The following CNTNAP5 variants were observed in gnomAD, a reference collection of about 807,000 sequenced individuals.
CNTNAP5 encodes the protein contactin associated protein family member 5, also known as contactin-associated protein-like 5.
Under a neutral mutation model 150.2 loss-of-function variants are expected in CNTNAP5, and 72 were observed. The ratio of observed to expected loss-of-function variants is 0.48; its 90% CI spans 0.40 to 0.58. The LOEUF (loss-of-function observed/expected upper bound fraction) is 0.58. Among genes scored for constraint, CNTNAP5 ranks in the 20% least tolerant of loss-of-function variants. The pLI is 0.00. For synonymous variants in CNTNAP5, 672 were observed against 619.8 expected, an observed-to-expected ratio of 1.08 and a Z score of -1.25; for missense variants, 1,636 against 1,626.2, an observed-to-expected ratio of 1.01 and a Z score of -0.10.
rs192862557 is a variant in CNTNAP5, at chr2:124,909,544, C to G, written c.3656-1923C>G. On this transcript the variant is annotated intron_variant, in intron 22 of 23. Transcript: ENST00000682447. Reference sequence around the variant, plus strand: ...GGCATTTTAAGTAGGTGGAGTAGCACAGGGATAAACAAGAATAACAAGCAC... The same window carrying G: ...GGCATTTTAAGTAGGTGGAGTAGCAGAGGGATAAACAAGAATAACAAGCAC... Among the ~76,000 whole-genome samples the G allele has an allele frequency of 7.9e-5, 12 of 152,056 alleles. No homozygotes were observed. In the East Asian group the frequency reaches 2.3e-3, roughly 30 times the overall value.
At chr2:124,305,111 CAAAAAAAAA>C (rs57896748) in intron 3 of CNTNAP5, among the ~76,000 whole-genome samples, 2 of 86,408 alleles carry the variant, frequency 2.3e-5, no homozygotes, top group African/African-American at 4.3e-5. Flanking sequence ...ACAAAAAATA[CAAAAAAAAA>C]AAAAAAAAAA....
At chr2:124,460,354 A>G (rs1254672327) in intron 6 of CNTNAP5, among the ~76,000 whole-genome samples, 2 of 152,254 alleles carry the variant, frequency 1.3e-5, no homozygotes, top group African/African-American at 2.4e-5. Context: ...CTGAGGCAGT[A>G]GAAAGAATAC....
chr2:124,887,159 C>G (rs1678098241), intron 21 of CNTNAP5, among the ~76,000 whole-genome samples: 1 of 151,990 alleles, frequency 6.6e-6, no homozygotes, highest in Admixed American at 6.6e-5. Flanking sequence ...GCTGTGTAAG[C>G]TCTTAGTTCC....
chr2:124,628,567 C>T (rs1334686184), intron 12 of CNTNAP5, among the ~76,000 whole-genome samples: 1 of 152,130 alleles, frequency 6.6e-6, no homozygotes, highest in Non-Finnish European at 1.5e-5. Flanking sequence ...CTGAAGGAAG[C>T]ACTAAACATA....
chr2:124,590,636 T>C (rs892280345), intron 11 of CNTNAP5, among the ~76,000 whole-genome samples: 2 of 152,200 alleles, frequency 1.3e-5, no homozygotes, highest in African/African-American at 2.4e-5. Context: ...AATTTGATCC[T>C]ATTGATGTCC....
rs180802943 is a variant in CNTNAP5, at chr2:124,373,806, C to T, written c.382-43637C>T. ...TATTACAGTGTTACTTAAAAGGATA[C>T]AATATTTGAAGAAAAGACCTGATAA... On this transcript the variant is annotated intron_variant, in intron 3 of 23. Coordinates refer to ENST00000682447, the MANE Select transcript of CNTNAP5 (RefSeq NM_001367498.1). Among the ~76,000 whole-genome samples the T allele has an allele frequency of 1.6e-3, 247 of 149,782 alleles. 2 individuals are homozygous for T. The highest frequency in any genetic ancestry group is 5.9e-3 in the African/African-American group (235 of 39,528).
intron 17 of CNTNAP5, among the ~76,000 whole-genome samples, chr2:124,781,164 G>C (rs1573612760): frequency 6.6e-6 from 1 of 152,126 alleles, no homozygotes; most frequent in Admixed American, 6.5e-5. Flanking sequence ...TATTTTCCAA[G>C]TGCATGCTCA....
chr2:124,350,673 T>C (rs1689856384), intron 3 of CNTNAP5, among the ~76,000 whole-genome samples: 1 of 152,148 alleles, frequency 6.6e-6, no homozygotes, highest in South Asian at 2.1e-4. Context: ...TTTTATTAGG[T>C]TATTTTATCT....
chr2:124,834,078 C>A (rs544019191), intron 19 of CNTNAP5, among the ~76,000 whole-genome samples: 1 of 152,226 alleles, frequency 6.6e-6, no homozygotes, highest in Non-Finnish European at 1.5e-5. Flanking sequence ...TTCCAGGCAC[C>A]ATGTATAATC....
At position 124,738,909 on chromosome 2, in the gene CNTNAP5, G is replaced by A. The variant is rs183683501; in HGVS notation, c.2078-8320G>A. On this transcript the variant is annotated intron_variant, in intron 13 of 23. Coordinates refer to ENST00000682447, the MANE Select transcript of CNTNAP5 (RefSeq NM_001367498.1). ...AACCTTACTGGGATCCTTCAATGAG[G>A]CACTTAGCAAAAAATTGTACAATAA... is the stretch of plus-strand genomic sequence containing the variant. Among the ~76,000 whole-genome samples, 177 of 152,152 alleles carry A rather than the reference G, an allele frequency of 1.2e-3. 2 individuals are homozygous for A. Among genetic ancestry groups the A allele is most frequent in the African/African-American group, 4.1e-3 (170 of 41,528 alleles).
chr2:124,384,467 A>G (rs947096833), intron 3 of CNTNAP5, among the ~76,000 whole-genome samples: 1 of 152,190 alleles, frequency 6.6e-6, no homozygotes, highest in African/African-American at 2.4e-5. Context: ...TGTATTTTGG[A>G]CATAAAGAAA....
chr2:124,208,114 CA>C (rs2104720068), intron 1 of CNTNAP5, among the ~76,000 whole-genome samples: 1 of 152,150 alleles, frequency 6.6e-6, no homozygotes, highest in Admixed American at 6.5e-5. Flanking sequence ...TGAAATGTCT[CA>C]AAAAATCATT....
At chr2:124,081,733 C>T (rs988384638) in intron 1 of CNTNAP5, among the ~76,000 whole-genome samples, 3 of 152,090 alleles carry the variant, frequency 2.0e-5, no homozygotes, top group Non-Finnish European at 4.4e-5. Context: ...TAGCATAAGG[C>T]AAAGGATCCA....
chr2:124,383,123 C>A (rs1321858497), intron 3 of CNTNAP5, among the ~76,000 whole-genome samples: 1 of 152,108 alleles, frequency 6.6e-6, no homozygotes, highest in Non-Finnish European at 1.5e-5. Context: ...CACAATGACC[C>A]GTACATTTCC....
At chr2:124,863,927 C>T (rs1677576126) in intron 19 of CNTNAP5, among the ~76,000 whole-genome samples, 1 of 152,196 alleles carries the variant, frequency 6.6e-6, no homozygotes. Flanking sequence ...CTTATGACAT[C>T]GCTCCTCAAT....
rs113858805 is a variant in CNTNAP5, at chr2:124,139,726, C to T, written c.83-81979C>T. Among the ~76,000 whole-genome samples, 27 of 152,026 alleles carry T rather than the reference C, an allele frequency of 1.8e-4. 1 individual carries two copies. The highest frequency in any genetic ancestry group is 5.8e-4 in the African/African-American group (24 of 41,436). ...AGCCTGTATTTGAGAATTCTGTGCCCGATCATTGTTATTAATTATAGGGAA... is the reference window on the plus strand; with the variant it reads ...AGCCTGTATTTGAGAATTCTGTGCCTGATCATTGTTATTAATTATAGGGAA... On this transcript the variant is annotated intron_variant, in intron 1 of 23. Transcript: ENST00000682447.
chr2:124,197,246 C>T (rs536893389), intron 1 of CNTNAP5, among the ~76,000 whole-genome samples: 2 of 152,118 alleles, frequency 1.3e-5, no homozygotes, highest in Non-Finnish European at 2.9e-5. Flanking sequence ...CTTTGCAGAT[C>T]GCATATCCTG....
chr2:124,336,478 C>T lies in CNTNAP5; in HGVS notation c.382-80965C>T, dbSNP rs139263352. Among the ~76,000 whole-genome samples the T allele has an allele frequency of 1.2e-3, 188 of 150,678 alleles. 6 individuals are homozygous for T. The East Asian group carries it at 0.033, about 27-fold the overall frequency. On this transcript the variant is annotated intron_variant, in intron 3 of 23. Coordinates refer to ENST00000682447, the MANE Select transcript of CNTNAP5 (RefSeq NM_001367498.1). Reference sequence around the variant, plus strand: ...CATGTTGGTGTGCTGCACCCATTGACTCGTCATTTAACATTAGGTATATCT... The same window carrying T: ...CATGTTGGTGTGCTGCACCCATTGATTCGTCATTTAACATTAGGTATATCT...
intron 1 of CNTNAP5, among the ~76,000 whole-genome samples, chr2:124,152,743 G>A (rs946582415): frequency 1.3e-5 from 2 of 152,096 alleles, no homozygotes; most frequent in African/African-American, 2.4e-5. Flanking sequence ...GAGGGACCAC[G>A]GACAGAACAG....
Sources: gnomAD v4.1 joint callset for allele counts (sites outside exome capture counted in the v4.1 genomes callset) on GRCh38, gnomAD v4.1.1 for gene constraint, MANE v1.5 for transcripts, NCBI Gene and HGNC (gene_info 2026-07-23, HGNC 2026-07-21) for gene names.